The following LRP1B variants were observed in gnomAD, a reference collection of about 807,000 sequenced individuals.
LRP1B encodes low-density lipoprotein receptor-related protein 1B.
In LRP1B, 217 loss-of-function variants were observed where a neutral mutation model predicts 556.6. That is an observed-to-expected ratio of 0.39 (90% CI 0.35 to 0.44). The LOEUF (loss-of-function observed/expected upper bound fraction) is 0.44, where lower values mean the gene tolerates loss of function less well. Among genes scored for constraint, LRP1B ranks in the 20% least tolerant of loss-of-function variants. LRP1B has a pLI of 1.00. For missense variants in LRP1B, 5,053 were observed against 5,620.8 expected, an observed-to-expected ratio of 0.90 and a Z score of 3.23; for synonymous variants, 2,047 against 1,865.8, an observed-to-expected ratio of 1.10 and a Z score of -2.50.
At chr2:141,745,185 C>T (rs1345088156) in intron 2 of LRP1B, among the ~76,000 whole-genome samples, 1 of 151,972 alleles carries the variant, frequency 6.6e-6, no homozygotes, top group Non-Finnish European at 1.5e-5. Flanking sequence ...ACTATAACCA[C>T]TACCTGGCTA....
chr2:141,255,331 G>A (rs1347699779), intron 3 of LRP1B, among the ~76,000 whole-genome samples: 1 of 151,940 alleles, frequency 6.6e-6, no homozygotes, highest in Admixed American at 6.6e-5. Context: ...TCTGAAAATA[G>A]GGGTATAAAT....
At chr2:140,347,474 AAG>A (rs912308622) in intron 77 of LRP1B, among the ~76,000 whole-genome samples, 2 of 151,776 alleles carry the variant, frequency 1.3e-5, no homozygotes, top group African/African-American at 4.8e-5. Context: ...AAAAAAAAAA[AAG>A]AAACGGGATC....
chr2:141,657,719 T>C (rs1346827590), intron 2 of LRP1B, among the ~76,000 whole-genome samples: 1 of 152,184 alleles, frequency 6.6e-6, no homozygotes, highest in East Asian at 1.9e-4. Context: ...GTAGGAATTA[T>C]CTGGGATGTG....
intron 1 of LRP1B, among the ~76,000 whole-genome samples, chr2:141,885,402 A>C (rs924164815): frequency 1.3e-5 from 2 of 152,216 alleles, no homozygotes; most frequent in Non-Finnish European, 2.9e-5. Context: ...CATGATACAA[A>C]GAATGTAAAG....
intron 17 of LRP1B, among the ~76,000 whole-genome samples, chr2:140,988,813 T>A (rs115290759): frequency 0.012 from 1,778 of 152,246 alleles, 28 homozygotes; most frequent in African/African-American, 0.039. Flanking sequence ...TCAGTTTTTA[T>A]GAATCATATC....
At chr2:141,411,795 T>TG (rs1185050502) in intron 3 of LRP1B, among the ~76,000 whole-genome samples, 1 of 152,120 alleles carries the variant, frequency 6.6e-6, no homozygotes, top group Non-Finnish European at 1.5e-5. Flanking sequence ...AAAATATTAT[T>TG]CTAAATATGT....
intron 1 of LRP1B, among the ~76,000 whole-genome samples, chr2:142,045,110 G>T (rs530271745): frequency 6.8e-6 from 1 of 147,000 alleles, no homozygotes. Flanking sequence ...ATGCAAATAC[G>T]CATTTTCTAC....
At chr2:140,607,565 C>T (rs142866785) in intron 41 of LRP1B, among the ~76,000 whole-genome samples, 2 of 151,912 alleles carry the variant, frequency 1.3e-5, no homozygotes, top group Admixed American at 6.6e-5. Flanking sequence ...AGTACATCCA[C>T]GCTTGGAATT....
intron 41 of LRP1B, among the ~76,000 whole-genome samples, chr2:140,684,461 A>G (rs572741488): frequency 2.4e-4 from 37 of 152,330 alleles, no homozygotes; most frequent in African/African-American, 8.4e-4. Flanking sequence ...CACCCTAAGC[A>G]TGCAGGACAC....
intron 2 of LRP1B, among the ~76,000 whole-genome samples, chr2:141,807,614 A>G (rs1343494832): frequency 1.3e-5 from 2 of 152,122 alleles, no homozygotes; most frequent in Non-Finnish European, 2.9e-5. Flanking sequence ...ATTTTATTTT[A>G]CAAACTAAGT....
Position 140,936,043 on chromosome 2 carries a change from G to GA in LRP1B, c.3137-12897dup, listed in dbSNP as rs370306402. On this transcript the variant is annotated intron_variant, in intron 20 of 90. Transcript: ENST00000389484. ...TGTGTGTAAATTCAAAGTGTCAAAAGAAAAAAAAAAACTTGCCTGGGCATG... is the reference window on the plus strand; with the variant it reads ...TGTGTGTAAATTCAAAGTGTCAAAAGAAAAAAAAAAAACTTGCCTGGGCATG... Among the ~76,000 whole-genome samples, 197 of 144,466 alleles carry GA rather than the reference G, an allele frequency of 1.4e-3. 3 individuals carry two copies. Among genetic ancestry groups the GA allele is most frequent in the Middle Eastern group, 7.4e-3 (2 of 270 alleles). The allele number at this position is 144,466 out of a possible 152,430, so 94.8% of individuals were successfully genotyped here. A position where few individuals can be genotyped will look rare whatever the true frequency, so the allele number is the denominator to read the frequency against.
chr2:140,485,653 G>A (rs972327820), intron 58 of LRP1B, 129 bp from the exon 59 acceptor site: 3 of 631,544 alleles, frequency 4.8e-6, no homozygotes, highest in Non-Finnish European at 7.8e-6. Context: ...GATAAGAAGA[G>A]AATAATTGAC....
intron 43 of LRP1B, among the ~76,000 whole-genome samples, chr2:140,574,288 G>A (rs531076085): frequency 3.3e-5 from 5 of 152,160 alleles, no homozygotes; most frequent in African/African-American, 1.2e-4. Context: ...ATAAATGCTT[G>A]AAGAAACAAC....
intron 32 of LRP1B, among the ~76,000 whole-genome samples, chr2:140,794,408 A>T (rs1030657121): frequency 6.6e-6 from 1 of 152,028 alleles, no homozygotes; most frequent in Admixed American, 6.6e-5. Context: ...ATAAAATATG[A>T]GAAAAAAATA....
At chr2:140,535,496 C>T (rs757209128) in intron 46 of LRP1B, among the ~76,000 whole-genome samples, 1 of 152,064 alleles carries the variant, frequency 6.6e-6, no homozygotes, top group Non-Finnish European at 1.5e-5. Flanking sequence ...GTGGATCTCA[C>T]AGATTCTGTC....
chr2:141,312,393 A>G (rs990276142), intron 3 of LRP1B, among the ~76,000 whole-genome samples: 1 of 152,204 alleles, frequency 6.6e-6, no homozygotes, highest in Non-Finnish European at 1.5e-5. Flanking sequence ...TTGTAAGAAT[A>G]CAGTATATGA....
At chr2:141,901,340 A>G (rs367973526) in intron 1 of LRP1B, among the ~76,000 whole-genome samples, 1 of 151,954 alleles carries the variant, frequency 6.6e-6, no homozygotes, top group Non-Finnish European at 1.5e-5. Flanking sequence ...CCCCTATGTT[A>G]GTGGGATGAG....
intron 1 of LRP1B, among the ~76,000 whole-genome samples, chr2:142,031,962 A>G (rs917771326): frequency 6.6e-6 from 1 of 151,868 alleles, no homozygotes; most frequent in African/African-American, 2.4e-5. Flanking sequence ...ATGCTACTAC[A>G]AGACAAGGAA....
chr2:140,300,381 C>A (rs779048273), intron 83 of LRP1B, among the ~76,000 whole-genome samples: 1 of 152,008 alleles, frequency 6.6e-6, no homozygotes, highest in South Asian at 2.1e-4. Flanking sequence ...TCTAGGTGCA[C>A]CCTAAGACGT....
Sources: allele counts gnomAD v4.1 joint callset (sites outside exome capture counted in the v4.1 genomes callset), GRCh38; gene constraint gnomAD v4.1.1; transcripts MANE v1.5; gene names NCBI Gene and HGNC (gene_info 2026-07-23, HGNC 2026-07-21).